The following PPARGC1A variants were observed in gnomAD, a reference collection of about 807,000 sequenced individuals.
PPARGC1A encodes peroxisome proliferator-activated receptor gamma coactivator 1-alpha.
Under a neutral mutation model 88.7 loss-of-function variants are expected in PPARGC1A, and 25 were observed. That is an observed-to-expected ratio of 0.28 (90% CI 0.21 to 0.39). The LOEUF is 0.39. PPARGC1A is among the 10% of genes least tolerant of loss of function. The pLI is 1.00. For missense variants in PPARGC1A, 880 were observed against 968.7 expected, an observed-to-expected ratio of 0.91 and a Z score of 1.22; for synonymous variants, 363 against 355.6, an observed-to-expected ratio of 1.02 and a Z score of -0.24.
At chr4:24,393,665 C>T in the PPARGC1A span, among the ~76,000 whole-genome samples, 1 of 152,208 alleles carries the variant, frequency 6.6e-6, no homozygotes, top group Non-Finnish European at 1.5e-5. Flanking sequence ...AGTGAAAACA[C>T]TTGGAACAGA....
chr4:24,145,342 T>C, the PPARGC1A span, among the ~76,000 whole-genome samples: 1 of 152,146 alleles, frequency 6.6e-6, no homozygotes, highest in Non-Finnish European at 1.5e-5. Flanking sequence ...GCTACCCCTT[T>C]GTGGTAGATA....
the PPARGC1A span, among the ~76,000 whole-genome samples, chr4:24,009,391 C>T: frequency 4.6e-5 from 7 of 152,140 alleles, no homozygotes; most frequent in South Asian, 1.2e-3. Context: ...GTTAGAGGTG[C>T]CTTCTGATGA....
At chr4:23,915,541 T>C in the PPARGC1A span, among the ~76,000 whole-genome samples, 1 of 152,244 alleles carries the variant, frequency 6.6e-6, no homozygotes, top group African/African-American at 2.4e-5. Flanking sequence ...ATTCTATCTT[T>C]GGTATATTTT....
the PPARGC1A span, among the ~76,000 whole-genome samples, chr4:24,057,507 C>T: frequency 6.7e-6 from 1 of 148,650 alleles, no homozygotes; most frequent in Non-Finnish European, 1.5e-5. Flanking sequence ...AAAAGGGAAG[C>T]AATGACATAA....
chr4:23,924,836 T>C, the PPARGC1A span, among the ~76,000 whole-genome samples: 1 of 152,120 alleles, frequency 6.6e-6, no homozygotes, highest in Admixed American at 6.5e-5. Flanking sequence ...GCACAGTTTT[T>C]ATTTCTCTCC....
chr4:24,017,637 GA>G, the PPARGC1A span, among the ~76,000 whole-genome samples: 35 of 152,202 alleles, frequency 2.3e-4, no homozygotes, highest in African/African-American at 8.4e-4. Context: ...TTTGTACTTA[GA>G]ATATTTTTCC....
the PPARGC1A span, among the ~76,000 whole-genome samples, chr4:24,388,424 G>C: frequency 6.6e-6 from 1 of 152,180 alleles, no homozygotes. Context: ...GTTCCTCAAG[G>C]ATCTAGAACC....
chr4:24,330,189 G>C, the PPARGC1A span, among the ~76,000 whole-genome samples: 6 of 152,182 alleles, frequency 3.9e-5, no homozygotes, highest in Non-Finnish European at 5.9e-5. Context: ...CTCATTGAGA[G>C]GTGGGGTCTT....
chr4:24,294,901 C>T, the PPARGC1A span, among the ~76,000 whole-genome samples: 1 of 152,188 alleles, frequency 6.6e-6, no homozygotes, highest in Non-Finnish European at 1.5e-5. Context: ...GAGGACAGTG[C>T]AATAACCCAG....
the PPARGC1A span, among the ~76,000 whole-genome samples, chr4:23,942,824 A>G: frequency 6.6e-6 from 1 of 152,180 alleles, no homozygotes; most frequent in Non-Finnish European, 1.5e-5. Context: ...ATGCACCAAT[A>G]AACTCTCCAT....
chr4:23,866,436 T>G (rs1712008834), intron 2 of PPARGC1A, among the ~76,000 whole-genome samples: 1 of 152,190 alleles, frequency 6.6e-6, no homozygotes, highest in Non-Finnish European at 1.5e-5. Flanking sequence ...AGCTTGACAT[T>G]TTGGTCTCTG....
At chr4:24,257,344 C>T in the PPARGC1A span, among the ~76,000 whole-genome samples, 1 of 152,128 alleles carries the variant, frequency 6.6e-6, no homozygotes, top group South Asian at 2.1e-4. Flanking sequence ...CAGTCCTAAT[C>T]TTAAATTTCT....
At chr4:23,968,256 T>C in the PPARGC1A span, among the ~76,000 whole-genome samples, 4 of 152,338 alleles carry the variant, frequency 2.6e-5, no homozygotes, top group East Asian at 7.7e-4. Flanking sequence ...GGAGAACATA[T>C]TCAGTAGGGC....
chr4:23,798,122 C>T (rs1008644158), intron 12 of PPARGC1A, among the ~76,000 whole-genome samples: 3 of 151,980 alleles, frequency 2.0e-5, no homozygotes, highest in Non-Finnish European at 4.4e-5. Flanking sequence ...TCTTATACAA[C>T]GGCCCCACCC....
At chr4:24,414,184 A>G in the PPARGC1A span, among the ~76,000 whole-genome samples, 8 of 152,180 alleles carry the variant, frequency 5.3e-5, no homozygotes, top group African/African-American at 1.4e-4. Context: ...AATTATGATG[A>G]TATTATTTAT....
At chr4:24,389,715 A>G in the PPARGC1A span, among the ~76,000 whole-genome samples, 33 of 152,324 alleles carry the variant, frequency 2.2e-4, no homozygotes, top group Middle Eastern at 3.4e-3. Context: ...TTTTGCATGC[A>G]TAGCATTATT....
chr4:23,948,819 T>C, the PPARGC1A span, among the ~76,000 whole-genome samples: 62 of 152,312 alleles, frequency 4.1e-4, no homozygotes, highest in South Asian at 0.011. Context: ...AGAGGCCTGA[T>C]GGACTTTGTT....
chr4:24,008,063 G>A, the PPARGC1A span, among the ~76,000 whole-genome samples: 3 of 152,170 alleles, frequency 2.0e-5, no homozygotes, highest in Non-Finnish European at 4.4e-5. Flanking sequence ...AGAGAGAACC[G>A]TGAACAAAGC....
the PPARGC1A span, among the ~76,000 whole-genome samples, chr4:24,051,305 G>A: frequency 6.6e-6 from 1 of 151,240 alleles, no homozygotes; most frequent in African/African-American, 2.4e-5. Flanking sequence ...CTTGCCCCCT[G>A]GAAAAAGGGA....
Sources: allele counts gnomAD v4.1 joint callset (sites outside exome capture counted in the v4.1 genomes callset), GRCh38; gene constraint gnomAD v4.1.1; transcripts MANE v1.5; gene names NCBI Gene and HGNC (gene_info 2026-07-23, HGNC 2026-07-21).